Variants in SLC22A3 observed in about 807,000 individuals in gnomAD.
SLC22A3 encodes the protein EMT organic cation transporter 3.
Under a neutral mutation model 59.1 loss-of-function variants are expected in SLC22A3, and 51 were observed. The ratio of observed to expected loss-of-function variants is 0.86; its 90% CI spans 0.69 to 1.09. The LOEUF (loss-of-function observed/expected upper bound fraction) is 1.09. SLC22A3 is among the 50% of genes least tolerant of loss of function. The pLI is 0.00. For missense variants in SLC22A3, 711 were observed against 726.3 expected, an observed-to-expected ratio of 0.98 and a Z score of 0.24; for synonymous variants, 325 against 292.0, an observed-to-expected ratio of 1.11 and a Z score of -1.15.
Position 160,348,391 on chromosome 6 carries a change from G to A in SLC22A3, c.-29G>A, listed in dbSNP as rs555754. ...GGTCCGCGGGTCACTCCGAGGCGCG[G>A]GCTGCGGGCGGCGGGCGGCGGGCGC... is the stretch of plus-strand genomic sequence containing the variant. On this transcript the variant is annotated 5_prime_UTR_variant, in exon 1 of 11. Transcript: ENST00000275300. 670,623 of 1,429,486 alleles carry A rather than the reference G, an allele frequency of 0.47. 159,083 individuals are homozygous for A. The highest frequency in any genetic ancestry group is 0.56 in the African/African-American group (37,716 of 67,496). 88.6% of individuals were successfully genotyped at this position (1,429,486 alleles called of 1,614,324 possible).
intron 5 of SLC22A3, among the ~76,000 whole-genome samples, chr6:160,429,892 C>T (rs913035991): frequency 6.6e-6 from 1 of 150,778 alleles, no homozygotes; most frequent in African/African-American, 2.4e-5. Flanking sequence ...TATCTGAGGA[C>T]CTTTAAAAGC....
chr6:160,404,937 T>C (rs1213532970), intron 2 of SLC22A3, among the ~76,000 whole-genome samples: 1 of 145,782 alleles, frequency 6.9e-6, no homozygotes, highest in Non-Finnish European at 1.5e-5. Flanking sequence ...CAGACCTAAA[T>C]GTAAAATACA....
intron 2 of SLC22A3, among the ~76,000 whole-genome samples, chr6:160,400,434 C>T (rs1786723056): frequency 6.6e-6 from 1 of 151,994 alleles, no homozygotes; most frequent in Non-Finnish European, 1.5e-5. Context: ...AGCCTTTCTC[C>T]CCTAGTTCAG....
chr6:160,361,136 C>CTCCTTGGGGAGTTATAACCCCTT (rs1785000628), intron 1 of SLC22A3, among the ~76,000 whole-genome samples: 1 of 152,168 alleles, frequency 6.6e-6, no homozygotes, highest in Non-Finnish European at 1.5e-5. Context: ...AGGATGGCCT[C>CTCCTTGGGGAGTTATAACCCCTT]ATAACTCCAT....
At chr6:160,426,316 G>A (rs923414670) in intron 5 of SLC22A3, 1 of 985,340 alleles carries the variant, frequency 1.0e-6, no homozygotes, top group African/African-American at 1.7e-5. Context: ...TTTGGTTCTT[G>A]TGGTTCTTGT....
At chr6:160,430,176 C>A (rs1341476606) in intron 5 of SLC22A3, among the ~76,000 whole-genome samples, 1 of 151,194 alleles carries the variant, frequency 6.6e-6, no homozygotes, top group Non-Finnish European at 1.5e-5. Context: ...TTTCAAAACA[C>A]TAATAAGGTG....
At chr6:160,428,466 A>AGAT (rs1225808154) in intron 5 of SLC22A3, among the ~76,000 whole-genome samples, 16 of 152,240 alleles carry the variant, frequency 1.1e-4, no homozygotes, top group African/African-American at 3.9e-4. Flanking sequence ...GTCTGAACTG[A>AGAT]GATGTGCTAT....
chr6:160,433,515 TCTA>T (rs3066966), intron 5 of SLC22A3, among the ~76,000 whole-genome samples: 53 of 146,928 alleles, frequency 3.6e-4, no homozygotes, highest in Admixed American at 2.2e-3. Flanking sequence ...AGACCCTGTC[TCTA>T]CTACTACTAC....
chr6:160,438,597 TACAC>T (rs10618183), intron 7 of SLC22A3, among the ~76,000 whole-genome samples: 123,057 of 149,778 alleles, frequency 0.82, 50,575 homozygotes, highest in East Asian at 0.95. Context: ...CACACACACA[TACAC>T]ACACACACAC....
At chr6:160,362,634 C>T (rs1171654251) in intron 1 of SLC22A3, among the ~76,000 whole-genome samples, 4 of 152,210 alleles carry the variant, frequency 2.6e-5, no homozygotes, top group South Asian at 4.1e-4. Flanking sequence ...CTGAGGGACA[C>T]CGCGGGATGT....
At chr6:160,417,742 A>AGGTTG (rs56665512) in intron 5 of SLC22A3, among the ~76,000 whole-genome samples, 1,594 of 152,262 alleles carry the variant, frequency 0.01, 30 homozygotes, top group African/African-American at 0.036. Context: ...GGCCAATGGC[A>AGGTTG]GGTTGCTAGA....
intron 5 of SLC22A3, among the ~76,000 whole-genome samples, chr6:160,435,216 G>A (rs1470003585): frequency 1.3e-5 from 2 of 152,150 alleles, no homozygotes; most frequent in African/African-American, 4.8e-5. Context: ...CATGGATGGT[G>A]GAATCCATCA....
At chr6:160,390,323 A>G (rs923312733) in intron 1 of SLC22A3, among the ~76,000 whole-genome samples, 1 of 151,954 alleles carries the variant, frequency 6.6e-6, no homozygotes, top group African/African-American at 2.4e-5. Flanking sequence ...AGAGCGAGGA[A>G]CCCCAAGCCA....
chr6:160,374,714 C>A (rs1399126841), intron 1 of SLC22A3, among the ~76,000 whole-genome samples: 1 of 152,142 alleles, frequency 6.6e-6, no homozygotes, highest in Non-Finnish European at 1.5e-5. Flanking sequence ...CCACAGGGCT[C>A]ATCTCTGGGG....
intron 1 of SLC22A3, among the ~76,000 whole-genome samples, chr6:160,394,873 C>T (rs2114825958): frequency 6.6e-6 from 1 of 152,286 alleles, no homozygotes; most frequent in South Asian, 2.1e-4. Flanking sequence ...CTGGCTGACT[C>T]CCACAGCCAC....
Position 160,398,170 on chromosome 6 carries a change from C to A in SLC22A3, c.533+88C>A, listed in dbSNP as rs958103540. The A allele has an allele frequency of 7.9e-6, 8 of 1,011,542 alleles. No individual in the cohort carries two copies. The African/African-American group carries it at 9.5e-5, about 12-fold the overall frequency. 62.7% of individuals were successfully genotyped at this position (1,011,542 alleles called of 1,614,324 possible). The stretch of plus-strand genomic sequence containing the variant: ...AAATGTTTTATGTTAACTATTAAAA[C>A]AATATTTTTGCTAAATTCGCAAACA... On this transcript the variant is annotated intron_variant, in intron 2 of 10. Transcript: ENST00000275300.
chr6:160,363,145 G>A (rs566466908), intron 1 of SLC22A3, among the ~76,000 whole-genome samples: 53 of 152,380 alleles, frequency 3.5e-4, no homozygotes, highest in African/African-American at 1.2e-3. Context: ...CAGGTGGAAG[G>A]TCCGAGAAGA....
intron 1 of SLC22A3, among the ~76,000 whole-genome samples, chr6:160,371,684 T>C (rs904236005): frequency 2.6e-5 from 4 of 152,166 alleles, no homozygotes; most frequent in African/African-American, 9.7e-5. Context: ...TTATAATCCT[T>C]TGGGTATGTA....
At chr6:160,414,978 TG>T (rs1245581904) in intron 5 of SLC22A3, among the ~76,000 whole-genome samples, 2 of 152,192 alleles carry the variant, frequency 1.3e-5, no homozygotes, top group East Asian at 3.9e-4. Flanking sequence ...AATACCTCCT[TG>T]CTCTTTAGCA....
Sources: allele counts gnomAD v4.1 joint callset (sites outside exome capture counted in the v4.1 genomes callset), GRCh38; gene constraint gnomAD v4.1.1; transcripts MANE v1.5; gene names NCBI Gene and HGNC (gene_info 2026-07-23, HGNC 2026-07-21).